The following GPM6A variants were observed in gnomAD, a reference collection of about 807,000 sequenced individuals.
The protein encoded by GPM6A is glycoprotein M6A.
Under a neutral mutation model 32.1 loss-of-function variants are expected in GPM6A, and 7 were observed. That is an observed-to-expected ratio of 0.22 (90% CI 0.12 to 0.41). The LOEUF (loss-of-function observed/expected upper bound fraction) is 0.41. GPM6A is among the 10% of genes least tolerant of loss of function. GPM6A has a pLI of 1.00. For missense variants in GPM6A, 235 were observed against 347.2 expected (o/e 0.68, Z 2.57); for synonymous variants, 130 against 123.4 (o/e 1.05, Z -0.35).
At chr4:175,905,673 T>C (rs1359108628) in intron 1 of GPM6A, among the ~76,000 whole-genome samples, 3 of 152,150 alleles carry the variant, frequency 2.0e-5, no homozygotes, top group Non-Finnish European at 4.4e-5. Context: ...ATAATCCTTA[T>C]GCCAAAGTGC....
intron 1 of GPM6A, among the ~76,000 whole-genome samples, chr4:175,987,715 A>G (rs1741022295): frequency 6.6e-6 from 1 of 152,164 alleles, no homozygotes; most frequent in Non-Finnish European, 1.5e-5. Flanking sequence ...CCTTTCTCCA[A>G]TTTAGTGGAT....
At chr4:175,805,529 G>T (rs1203112823) in intron 1 of GPM6A, among the ~76,000 whole-genome samples, 4 of 152,120 alleles carry the variant, frequency 2.6e-5, no homozygotes, top group African/African-American at 7.2e-5. Context: ...CATTCTCAGG[G>T]ATAGATTTCA....
chr4:175,704,237 C>G (rs1275142516), intron 1 of GPM6A, among the ~76,000 whole-genome samples: 1 of 152,016 alleles, frequency 6.6e-6, no homozygotes, highest in African/African-American at 2.4e-5. Context: ...AGTCTGAACA[C>G]CTTCCCACTT....
chr4:175,727,307 G>T (rs1036135341), intron 1 of GPM6A, among the ~76,000 whole-genome samples: 1 of 152,084 alleles, frequency 6.6e-6, no homozygotes, highest in African/African-American at 2.4e-5. Flanking sequence ...CTACTACGGC[G>T]GTTAGTTCAC....
intron 1 of GPM6A, among the ~76,000 whole-genome samples, chr4:175,741,493 T>A (rs545098337): frequency 8.7e-4 from 132 of 152,282 alleles, no homozygotes; most frequent in African/African-American, 3.0e-3. Context: ...TATCTTCATA[T>A]GGAATGCACG....
chr4:175,891,641 T>C (rs1343800951), intron 1 of GPM6A: 2 of 152,276 alleles, frequency 1.3e-5, no homozygotes, highest in South Asian at 2.1e-4. Context: ...AACAGAAACA[T>C]ACAGAAAAAA....
Position 175,717,159 on chromosome 4 carries a change from T to C in GPM6A, c.38-15392A>G, listed in dbSNP as rs1035409582. ...CTTGGCTCACTGCACACCAGCTACA[T>C]TGGCCACCTTTCAATTCGTTGCAAA... On this transcript the variant is annotated intron_variant, in intron 1 of 6. Coordinates refer to ENST00000393658, the MANE Select transcript of GPM6A (RefSeq NM_201591.3). Among the ~76,000 whole-genome samples the C allele has an allele frequency of 7.9e-5, 12 of 152,144 alleles. No homozygotes were observed. In the South Asian group the frequency reaches 8.3e-4, roughly 10 times the overall value.
chr4:175,948,765 C>T (rs1739698830), intron 1 of GPM6A, among the ~76,000 whole-genome samples: 1 of 138,736 alleles, frequency 7.2e-6, no homozygotes, highest in Non-Finnish European at 1.5e-5. Flanking sequence ...AAACACTGGC[C>T]ACAAAGTTAT....
intron 1 of GPM6A, among the ~76,000 whole-genome samples, chr4:175,999,799 A>G (rs1244948987): frequency 6.6e-6 from 1 of 152,174 alleles, no homozygotes; most frequent in Non-Finnish European, 1.5e-5. Flanking sequence ...GCAATCCAGC[A>G]TTCTCCTACG....
chr4:175,963,811 T>C (rs1414376435), intron 1 of GPM6A, among the ~76,000 whole-genome samples: 1 of 152,142 alleles, frequency 6.6e-6, no homozygotes, highest in East Asian at 1.9e-4. Flanking sequence ...TGATTTTATC[T>C]CATGGATGAA....
At chr4:175,752,551 G>A (rs1356381501) in intron 1 of GPM6A, among the ~76,000 whole-genome samples, 2 of 152,100 alleles carry the variant, frequency 1.3e-5, no homozygotes, top group African/African-American at 2.4e-5. Context: ...GCTCCAAGAA[G>A]GAAGAATTAT....
intron 1 of GPM6A, among the ~76,000 whole-genome samples, chr4:175,771,389 T>C (rs537626114): frequency 6.6e-6 from 1 of 151,866 alleles, no homozygotes; most frequent in East Asian, 1.9e-4. Context: ...CTGGCCAACA[T>C]GGCGAAACCC....
chr4:175,971,569 C>A (rs1740503241), intron 1 of GPM6A, among the ~76,000 whole-genome samples: 1 of 152,078 alleles, frequency 6.6e-6, no homozygotes, highest in African/African-American at 2.4e-5. Flanking sequence ...TCCAACTCTA[C>A]TATATTACCC....
chr4:175,879,114 G>T (rs150953020), intron 1 of GPM6A, among the ~76,000 whole-genome samples: 2 of 152,034 alleles, frequency 1.3e-5, no homozygotes, highest in East Asian at 3.9e-4. Flanking sequence ...CTCCATCTGA[G>T]GCCCCCTCAG....
intron 1 of GPM6A, among the ~76,000 whole-genome samples, chr4:175,871,779 C>A (rs996054921): frequency 1.3e-5 from 2 of 152,174 alleles, no homozygotes; most frequent in Admixed American, 6.5e-5. Flanking sequence ...TAACCTTGGA[C>A]TAATACAATC....
chr4:175,637,927 A>T (rs1740906592), intron 6 of GPM6A, among the ~76,000 whole-genome samples: 1 of 135,836 alleles, frequency 7.4e-6, no homozygotes, highest in East Asian at 2.0e-4. Context: ...GAAATACTGA[A>T]ACTCAAGGTC....
chr4:175,953,901 A>AAAAAT (rs967692134), intron 1 of GPM6A, among the ~76,000 whole-genome samples: 6 of 152,210 alleles, frequency 3.9e-5, no homozygotes, highest in East Asian at 1.9e-4. Flanking sequence ...CTCCATATCA[A>AAAAAT]AAAATAAAAT....
At chr4:175,813,006 A>T (rs556803031), upstream of GPM6A, 12 of 984,590 alleles carry the variant, frequency 1.2e-5, no homozygotes, top group South Asian at 5.2e-4. Flanking sequence ...CAAAGGAGTG[A>T]GTATAAAGCT....
chr4:175,851,048 C>T (rs1389567537), intron 1 of GPM6A, among the ~76,000 whole-genome samples: 5 of 152,084 alleles, frequency 3.3e-5, no homozygotes, highest in African/African-American at 1.2e-4. Context: ...TTTTGCCTGA[C>T]ACTTTGTTTT....
Sources: gnomAD v4.1 joint callset for allele counts (sites outside exome capture counted in the v4.1 genomes callset) on GRCh38, gnomAD v4.1.1 for gene constraint, MANE v1.5 for transcripts, NCBI Gene and HGNC (gene_info 2026-07-23, HGNC 2026-07-21) for gene names.